TSPAN9: variants seen among roughly 807,000 people sequenced by gnomAD.
The protein encoded by TSPAN9 is tetraspanin-9.
Under a neutral mutation model 31.0 loss-of-function variants are expected in TSPAN9, and 16 were observed. The observed-to-expected ratio is 0.52, with a 90% CI of 0.35 to 0.78. The LOEUF (loss-of-function observed/expected upper bound fraction) is 0.78, where lower values mean the gene tolerates loss of function less well. Among genes scored for constraint, TSPAN9 ranks in the 30% least tolerant of loss-of-function variants. The pLI is 0.01. For missense variants in TSPAN9, 272 were observed against 312.5 expected, an observed-to-expected ratio of 0.87 and a Z score of 0.98; for synonymous variants, 145 against 121.6, an observed-to-expected ratio of 1.19 and a Z score of -1.27.
At position 3,230,701 on chromosome 12, in the gene TSPAN9, C is replaced by G. The variant is rs1385744955; in HGVS notation, c.63+29445C>G. Among the ~76,000 whole-genome samples, 4 of 152,096 alleles carry G rather than the reference C, an allele frequency of 2.6e-5. No homozygotes were observed. The East Asian group carries it at 7.7e-4, about 29-fold the overall frequency. ...GCTCTGGGAACTGAGGGGTAAGAGT[C>G]CATGCCGGCCTGTCCCACCAGCTGC... On this transcript the variant is annotated intron_variant, in intron 3 of 8. Transcript: ENST00000011898.
intron 3 of TSPAN9, among the ~76,000 whole-genome samples, chr12:3,260,783 T>TGGTGGAG (rs1862433749): frequency 6.6e-6 from 1 of 151,476 alleles, no homozygotes; most frequent in Admixed American, 6.6e-5. Flanking sequence ...CACTGCTGAG[T>TGGTGGAG]GGTGGAGGGT....
intron 3 of TSPAN9, among the ~76,000 whole-genome samples, chr12:3,204,561 C>T (rs1459417065): frequency 6.6e-6 from 1 of 152,146 alleles, no homozygotes; most frequent in African/African-American, 2.4e-5. Context: ...TTCAACCAGA[C>T]AGTTCTAGCC....
chr12:3,139,997 G>A lies in TSPAN9; in HGVS notation c.-18+56278G>A, dbSNP rs556969808. On this transcript the variant is annotated intron_variant, in intron 2 of 8. Coordinates refer to ENST00000011898, the MANE Select transcript of TSPAN9 (RefSeq NM_006675.5). Reference sequence around the variant, plus strand: ...GTCCCTGGGCAGATCCACTCTCCCCGCTGCAGAATTTGCTTTGCACTATCG... The same window carrying A: ...GTCCCTGGGCAGATCCACTCTCCCCACTGCAGAATTTGCTTTGCACTATCG... Among the ~76,000 whole-genome samples the A allele has an allele frequency of 8.5e-5, 13 of 152,302 alleles. No homozygotes were observed. In the East Asian group the frequency reaches 2.1e-3, roughly 25 times the overall value.
intron 3 of TSPAN9, among the ~76,000 whole-genome samples, chr12:3,250,530 C>T (rs1280664196): frequency 6.6e-6 from 1 of 152,166 alleles, no homozygotes; most frequent in Non-Finnish European, 1.5e-5. Flanking sequence ...AGTGGGGTGC[C>T]CTGAGGGCAG....
At chr12:3,265,297 A>T (rs964812349) in intron 3 of TSPAN9, among the ~76,000 whole-genome samples, 4 of 152,174 alleles carry the variant, frequency 2.6e-5, no homozygotes, top group African/African-American at 4.8e-5. Context: ...AGTTACAGGC[A>T]CCGCGTGGAA....
intron 3 of TSPAN9, among the ~76,000 whole-genome samples, chr12:3,228,532 C>G (rs1218767925): frequency 6.6e-6 from 1 of 152,208 alleles, no homozygotes; most frequent in African/African-American, 2.4e-5. Context: ...CATGCCCTCC[C>G]CACCCCATGG....
At chr12:3,090,933 G>A (rs981300951) in intron 2 of TSPAN9, among the ~76,000 whole-genome samples, 1 of 152,266 alleles carries the variant, frequency 6.6e-6, no homozygotes, top group African/African-American at 2.4e-5. Context: ...GGTGTCCTTT[G>A]AAGTGGAGTC....
chr12:3,281,799 G>T lies in TSPAN9; in HGVS notation c.630G>T (p.Met210Ile), dbSNP rs1382972594. 1 of 1,614,072 alleles carries T rather than the reference G, an allele frequency of 6.2e-7. No individual in the cohort carries two copies. The highest frequency in any genetic ancestry group is 1.3e-5 in the African/African-American group (1 of 74,936). The change falls in exon 8 of 9, where the codon ATG (methionine) becomes ATT (isoleucine). Residue 210 changes from methionine to isoleucine, a missense_variant. By Grantham distance (10) the Met-to-Ile change is conservative. Coordinates refer to ENST00000011898, the MANE Select transcript of TSPAN9 (RefSeq NM_006675.5). ...DNKHVLGTVG[M>I]CILIMQILGM... ...AGCACGTGCTGGGCACGGTGGGGAT[G>T]TGCATCCTCATCATGCAGGTAAGAG...
At chr12:3,146,736 C>A (rs959884921) in intron 2 of TSPAN9, among the ~76,000 whole-genome samples, 1 of 152,150 alleles carries the variant, frequency 6.6e-6, no homozygotes, top group East Asian at 1.9e-4. Flanking sequence ...CTGAGATCTT[C>A]CTGGGATTCT....
chr12:3,229,645 G>C (rs1229984561), intron 3 of TSPAN9, among the ~76,000 whole-genome samples: 1 of 152,206 alleles, frequency 6.6e-6, no homozygotes, highest in African/African-American at 2.4e-5. Flanking sequence ...AGGGCTGGCT[G>C]GGGGTAGAGG....
intron 7 of TSPAN9, 70 bp downstream of exon 7, chr12:3,281,399 A>AGG: frequency 6.8e-7 from 1 of 1,460,836 alleles, no homozygotes; most frequent in Middle Eastern, 2.1e-4. Flanking sequence ...GGAGCCCTAT[A>AGG]GGGGAGGCTG....
chr12:3,114,029 T>G (rs766467534), intron 2 of TSPAN9, among the ~76,000 whole-genome samples: 4 of 152,224 alleles, frequency 2.6e-5, no homozygotes, highest in Non-Finnish European at 5.9e-5. Flanking sequence ...CAGTGGGCCA[T>G]AAACCCCACG....
At chr12:3,275,296 A>G (rs1031253716) in intron 3 of TSPAN9, among the ~76,000 whole-genome samples, 2 of 152,150 alleles carry the variant, frequency 1.3e-5, no homozygotes, top group Admixed American at 6.5e-5. Flanking sequence ...CTGTGCTTTG[A>G]GAACTTTTCC....
chr12:3,136,493 A>G (rs908258095), intron 2 of TSPAN9, among the ~76,000 whole-genome samples: 5 of 152,342 alleles, frequency 3.3e-5, no homozygotes, highest in South Asian at 4.1e-4. Flanking sequence ...ATTGAGGCTC[A>G]GAGAAGTGAA....
At chr12:3,197,522 T>A (rs1591671241) in intron 2 of TSPAN9, among the ~76,000 whole-genome samples, 1 of 152,172 alleles carries the variant, frequency 6.6e-6, no homozygotes, top group East Asian at 1.9e-4. Context: ...GGGCTCAGGA[T>A]GGTAAAACCA....
chr12:3,114,857 A>AAG (rs1220849416), intron 2 of TSPAN9, among the ~76,000 whole-genome samples: 1 of 151,944 alleles, frequency 6.6e-6, no homozygotes, highest in Non-Finnish European at 1.5e-5. Flanking sequence ...AAAAAAAAAA[A>AAG]AAAAGATTCC....
chr12:3,085,686 G>A (rs2098300114), intron 2 of TSPAN9, among the ~76,000 whole-genome samples: 1 of 152,156 alleles, frequency 6.6e-6, no homozygotes, highest in Non-Finnish European at 1.5e-5. Flanking sequence ...CTACAAAGCG[G>A]CAGGTTGGGT....
chr12:3,204,497 C>G (rs888347221), intron 3 of TSPAN9, among the ~76,000 whole-genome samples: 5 of 152,198 alleles, frequency 3.3e-5, no homozygotes, highest in African/African-American at 1.2e-4. Context: ...GCCTCACAGG[C>G]TGCTGGGTGC....
chr12:3,285,432 G>T lies in TSPAN9; in HGVS notation c.*2316G>T, dbSNP rs921968992. 1 of 152,248 alleles carries T rather than the reference G, an allele frequency of 6.6e-6. No individual in the cohort carries two copies. Among genetic ancestry groups the T allele is most frequent in the Non-Finnish European group, 1.5e-5 (1 of 68,038 alleles). 9.4% of individuals were successfully genotyped at this position (152,248 alleles called of 1,614,324 possible). ...CTCTGGCCCCAGAGCCTTTGCCACA[G>T]TGCTCCCACCAGCCCCCACCTCATC... On this transcript the variant is annotated 3_prime_UTR_variant, in exon 9 of 9. Coordinates refer to ENST00000011898, the MANE Select transcript of TSPAN9 (RefSeq NM_006675.5).
Sources: gnomAD v4.1 joint callset for allele counts (sites outside exome capture counted in the v4.1 genomes callset) on GRCh38, gnomAD v4.1.1 for gene constraint, MANE v1.5 for transcripts, NCBI Gene and HGNC (gene_info 2026-07-23, HGNC 2026-07-21) for gene names.